Variants in IFT43 observed in about 807,000 individuals in gnomAD.
The protein encoded by IFT43 is intraflagellar transport 43.
A neutral mutation model predicts 32.3 loss-of-function variants in IFT43; 33 were observed. The ratio of observed to expected loss-of-function variants is 1.02; its 90% CI spans 0.77 to 1.37. The LOEUF (loss-of-function observed/expected upper bound fraction) is 1.37, where lower values mean the gene tolerates loss of function less well. IFT43 is among the 40% of genes most tolerant of loss of function. The probability of loss-of-function intolerance (pLI) is 0.00; values close to 1 mark genes in which losing one functional copy is unlikely to be tolerated. For missense variants in IFT43, 274 were observed against 265.9 expected (o/e 1.03, Z -0.21); for synonymous variants, 93 against 98.2 (o/e 0.95, Z 0.31).
chr14:75,999,269 A>ATATG (rs199572135), intron 2 of IFT43, among the ~76,000 whole-genome samples: 1 of 24,246 alleles, frequency 4.1e-5, no homozygotes, highest in East Asian at 1.7e-3. Flanking sequence ...ATATATATAT[A>ATATG]TATGTATATA....
chr14:75,988,824 T>A, intron 1 of IFT43, 61 bp from the exon 2 acceptor site: 1 of 1,611,632 alleles, frequency 6.2e-7, no homozygotes, highest in Non-Finnish European at 8.5e-7. Context: ...GGCTGGATTG[T>A]CATCTCAGTA....
chr14:75,999,281 A>ATAT (rs1566699821), intron 2 of IFT43, among the ~76,000 whole-genome samples: 140 of 38,992 alleles, frequency 3.6e-3, no homozygotes, highest in African/African-American at 4.1e-3. Context: ...ATGTATATAT[A>ATAT]TTTTTTTTTT....
intron 3 of IFT43, chr14:76,022,672 A>G (rs2036316215): frequency 7.4e-6 from 2 of 270,070 alleles, no homozygotes; most frequent in South Asian, 1.7e-4. Flanking sequence ...CAACCTCTCT[A>G]GATCTAGGTG....
chr14:76,070,722 C>T (rs897428436), intron 5 of IFT43, among the ~76,000 whole-genome samples: 1 of 152,104 alleles, frequency 6.6e-6, no homozygotes, highest in Non-Finnish European at 1.5e-5. Flanking sequence ...TTGGCGCTGT[C>T]CTCATGCTAG....
chr14:76,010,345 T>A (rs2036059695), intron 2 of IFT43, among the ~76,000 whole-genome samples: 1 of 152,202 alleles, frequency 6.6e-6, no homozygotes, highest in Non-Finnish European at 1.5e-5. Context: ...AGCACATGCA[T>A]CAAGGAACAA....
chr14:75,988,602 T>C (rs2139859457), intron 1 of IFT43, among the ~76,000 whole-genome samples: 1 of 152,254 alleles, frequency 6.6e-6, no homozygotes, highest in African/African-American at 2.4e-5. Flanking sequence ...CACTGCAACC[T>C]CCGCCTCCCA....
At chr14:75,991,423 GTGTA>G (rs1555362333) in intron 2 of IFT43, among the ~76,000 whole-genome samples, 28 of 139,954 alleles carry the variant, frequency 2.0e-4, no homozygotes, top group South Asian at 6.8e-4. Context: ...GTGTGTGTGT[GTGTA>G]TGTATGTATA....
At chr14:76,032,086 A>C (rs1038707277) in intron 3 of IFT43, among the ~76,000 whole-genome samples, 3 of 152,008 alleles carry the variant, frequency 2.0e-5, no homozygotes, top group Admixed American at 2.0e-4. Context: ...CGTGCCTCCA[A>C]AGTCATCCCT....
chr14:76,079,297 C>G (rs927876956), intron 5 of IFT43, among the ~76,000 whole-genome samples: 2 of 152,180 alleles, frequency 1.3e-5, no homozygotes, highest in African/African-American at 4.8e-5. Flanking sequence ...GAAGGTGGAG[C>G]CATGTAGTTT....
chr14:76,076,775 T>C, intron 5 of IFT43: 1 of 1,473,316 alleles, frequency 6.8e-7, no homozygotes, highest in South Asian at 1.2e-5. Context: ...AGTGTGCGCA[T>C]GTGATGATAT....
chr14:76,075,230 A>G (rs1162862019), intron 5 of IFT43, among the ~76,000 whole-genome samples: 1 of 152,180 alleles, frequency 6.6e-6, no homozygotes, highest in African/African-American at 2.4e-5. Flanking sequence ...CGCAGTTTTC[A>G]GACTCTTTTT....
At chr14:75,999,456 T>C (rs2035842636) in intron 2 of IFT43, among the ~76,000 whole-genome samples, 2 of 151,226 alleles carry the variant, frequency 1.3e-5, no homozygotes, top group Non-Finnish European at 2.9e-5. Context: ...TATACATATT[T>C]ATAAGTAGAA....
intron 3 of IFT43, among the ~76,000 whole-genome samples, chr14:76,047,585 A>C (rs1172658436): frequency 6.6e-6 from 1 of 152,196 alleles, no homozygotes; most frequent in Non-Finnish European, 1.5e-5. Flanking sequence ...CAGAACAAGG[A>C]GGAAAATGCC....
chr14:76,063,172 G>T lies in IFT43; in HGVS notation c.295+3799G>T, dbSNP rs2037172968. Among the ~76,000 whole-genome samples the T allele has an allele frequency of 2.0e-5, 3 of 152,160 alleles. No individual in the cohort carries two copies. The South Asian group carries it at 6.2e-4, about 31-fold the overall frequency. On this transcript the variant is annotated intron_variant, in intron 5 of 8. Coordinates refer to ENST00000314067, the MANE Select transcript of IFT43 (RefSeq NM_001102564.3). ...CAGTTCTGTATAAGTGCTGGGGATT[G>T]TTTAGCTCACACCTTTTCAGTAGTT...
intron 1 of IFT43, among the ~76,000 whole-genome samples, chr14:75,988,379 T>C (rs1055088785): frequency 6.6e-6 from 1 of 152,150 alleles, no homozygotes; most frequent in African/African-American, 2.4e-5. Flanking sequence ...TATTTTCCTA[T>C]CAAATAGAAC....
intron 3 of IFT43, among the ~76,000 whole-genome samples, chr14:76,030,330 A>G (rs2036486825): frequency 6.6e-6 from 1 of 151,880 alleles, no homozygotes; most frequent in East Asian, 1.9e-4. Context: ...TTTGTGCTTT[A>G]TTAGTATTAG....
chr14:76,022,514 A>G, intron 3 of IFT43, 120 bp downstream of exon 3: 1 of 651,890 alleles, frequency 1.5e-6, no homozygotes. Context: ...ATACCATACA[A>G]TTCACCCACT....
chr14:76,050,774 G>A (rs1343143746), intron 3 of IFT43, among the ~76,000 whole-genome samples: 1 of 152,186 alleles, frequency 6.6e-6, no homozygotes, highest in South Asian at 2.1e-4. Context: ...TAGATGATTA[G>A]TGATCCAGTA....
chr14:76,058,875 A>G (rs1396227307), intron 4 of IFT43: 1 of 1,501,824 alleles, frequency 6.7e-7, no homozygotes, highest in African/African-American at 1.4e-5. Flanking sequence ...ATTGATGCCC[A>G]TGTCCTATCT....
Sources: gnomAD v4.1 joint callset for allele counts (sites outside exome capture counted in the v4.1 genomes callset) on GRCh38, gnomAD v4.1.1 for gene constraint, MANE v1.5 for transcripts, NCBI Gene and HGNC (gene_info 2026-07-23, HGNC 2026-07-21) for gene names.